NAV2: variants seen among roughly 807,000 people sequenced by gnomAD.
NAV2 encodes neuron navigator 2.
A neutral mutation model predicts 223.2 loss-of-function variants in NAV2; 54 were observed. The observed-to-expected ratio is 0.24, with a 90% CI of 0.19 to 0.30. The LOEUF (loss-of-function observed/expected upper bound fraction) is 0.30, where lower values mean the gene tolerates loss of function less well. Among genes scored for constraint, NAV2 ranks in the 10% least tolerant of loss-of-function variants. The pLI is 1.00. For synonymous variants in NAV2, 1,279 were observed against 1,239.3 expected (o/e 1.03, Z -0.67); for missense variants, 2,806 against 3,147.5 (o/e 0.89, Z 2.60).
At chr11:19,506,825 C>T (rs1044134282) in intron 1 of NAV2, 12 of 152,120 alleles carry the variant, frequency 7.9e-5, no homozygotes, top group African/African-American at 2.9e-4. Flanking sequence ...ACAAAACTGG[C>T]TATATAATTT....
chr11:20,037,809 C>T (rs2056534075), intron 12 of NAV2, among the ~76,000 whole-genome samples: 1 of 152,198 alleles, frequency 6.6e-6, no homozygotes, highest in African/African-American at 2.4e-5. Context: ...AGGCTATGCT[C>T]CTGCCACCAA....
At chr11:19,828,437 C>A (rs758170084) in intron 1 of NAV2, among the ~76,000 whole-genome samples, 9 of 152,224 alleles carry the variant, frequency 5.9e-5, no homozygotes, top group Non-Finnish European at 1.2e-4. Flanking sequence ...TGGAAACATG[C>A]AATATTGTCC....
chr11:19,960,585 A>T lies in NAV2; in HGVS notation c.2645+11505A>T, dbSNP rs574837660. Among the ~76,000 whole-genome samples, 33 of 128,934 alleles carry T rather than the reference A, an allele frequency of 2.6e-4. No homozygotes were observed. In the East Asian group the frequency reaches 7.1e-3, roughly 28 times the overall value. 84.6% of individuals were successfully genotyped at this position (128,934 alleles called of 152,430 possible). ...GCATCCTTTAGGGCCACCCTTTTTT[A>T]AAATTTTATTTATTTATTTATTTAT... On this transcript the variant is annotated intron_variant, in intron 10 of 37. Coordinates refer to ENST00000349880, the MANE Select transcript of NAV2 (RefSeq NM_145117.5).
intron 1 of NAV2, among the ~76,000 whole-genome samples, chr11:19,408,487 T>A (rs1849997725): frequency 6.6e-6 from 1 of 152,136 alleles, no homozygotes; most frequent in Non-Finnish European, 1.5e-5. Context: ...AAAATGAAAA[T>A]GTATCATTGT....
chr11:19,620,040 T>G (rs956254030), intron 1 of NAV2, among the ~76,000 whole-genome samples: 2 of 152,234 alleles, frequency 1.3e-5, no homozygotes, highest in South Asian at 4.1e-4. Flanking sequence ...TTCTTGTTTT[T>G]GTCAGGTTTG....
chr11:19,527,567 C>T (rs530128827), intron 1 of NAV2, among the ~76,000 whole-genome samples: 1 of 152,222 alleles, frequency 6.6e-6, no homozygotes, highest in Admixed American at 6.5e-5. Context: ...TCAGGCTCTC[C>T]AGCCCATTGA....
intron 11 of NAV2, among the ~76,000 whole-genome samples, chr11:20,008,105 G>A (rs1452132187): frequency 6.6e-6 from 1 of 152,184 alleles, no homozygotes; most frequent in African/African-American, 2.4e-5. Flanking sequence ...GGTGGCTTAT[G>A]CCTGTAATCC....
chr11:20,074,134 C>T (rs1330855832), intron 22 of NAV2, among the ~76,000 whole-genome samples: 1 of 152,162 alleles, frequency 6.6e-6, no homozygotes, highest in East Asian at 1.9e-4. Flanking sequence ...TATGTTGTAT[C>T]TTTGTTCTCA....
At chr11:19,387,281 A>G (rs1203856298) in intron 1 of NAV2, among the ~76,000 whole-genome samples, 5 of 152,128 alleles carry the variant, frequency 3.3e-5, no homozygotes, top group African/African-American at 1.2e-4. Context: ...GTAGCAGTGG[A>G]AGGACATCCC....
intron 1 of NAV2, among the ~76,000 whole-genome samples, chr11:19,603,825 T>C (rs2046411249): frequency 6.6e-6 from 1 of 151,792 alleles, no homozygotes; most frequent in Non-Finnish European, 1.5e-5. Flanking sequence ...TAGTGAGTGA[T>C]GGAAGGTTTT....
intron 1 of NAV2, among the ~76,000 whole-genome samples, chr11:19,644,431 A>G (rs1447462594): frequency 6.6e-6 from 1 of 152,168 alleles, no homozygotes; most frequent in Admixed American, 6.5e-5. Flanking sequence ...AGGCCGGTGG[A>G]TATGAATTAA....
chr11:20,065,950 G>A (rs1265954536), intron 20 of NAV2, among the ~76,000 whole-genome samples: 1 of 152,218 alleles, frequency 6.6e-6, no homozygotes, highest in South Asian at 2.1e-4. Flanking sequence ...AGGCTCTGGA[G>A]CCAGACTACT....
At chr11:19,586,838 A>G (rs1399456683) in intron 1 of NAV2, among the ~76,000 whole-genome samples, 1 of 152,172 alleles carries the variant, frequency 6.6e-6, no homozygotes, top group Non-Finnish European at 1.5e-5. Flanking sequence ...GACCCACTTG[A>G]GGAGGCAGTC....
rs569554953 is a variant in NAV2 at position 20,095,532 on chromosome 11, A to G, written c.5917-140A>G. ...TAAGACTATTACTTCCACCTAAGTT[A>G]TACCTGGTTTTAATACAAATAGGAC... On this transcript the variant is annotated intron_variant, in intron 29 of 37. Transcript: ENST00000349880. 1.2e-5 allele frequency: 8 copies of G among 654,558 alleles called. No homozygotes were observed. In the East Asian group the frequency reaches 2.1e-4, roughly 17 times the overall value. The allele number at this position is 654,558 out of a possible 1,614,324, so 40.5% of individuals were successfully genotyped here. A position where few individuals can be genotyped will look rare whatever the true frequency, so the allele number is the denominator to read the frequency against.
chr11:20,022,179 TATAAC>T (rs1254790290), intron 11 of NAV2, among the ~76,000 whole-genome samples: 3 of 152,250 alleles, frequency 2.0e-5, no homozygotes, highest in Non-Finnish European at 4.4e-5. Context: ...AGCTTGTGGC[TATAAC>T]ATAAGTTTGC....
At chr11:19,646,551 A>G (rs536684738) in intron 1 of NAV2, among the ~76,000 whole-genome samples, 7 of 152,274 alleles carry the variant, frequency 4.6e-5, no homozygotes, top group South Asian at 2.1e-4. Flanking sequence ...AACTACTGGA[A>G]GTCAGAGGGC....
At chr11:19,437,364 C>T (rs1851250739) in intron 1 of NAV2, among the ~76,000 whole-genome samples, 2 of 152,104 alleles carry the variant, frequency 1.3e-5, no homozygotes, top group African/African-American at 4.8e-5. Context: ...TTGGTGTCAT[C>T]CTTTAAATAT....
rs2056444304 is a variant in NAV2, at chr11:19,778,239, C to T, written c.268-54245C>T. ...TTGCTTTTGTGAATTGTTTTTTTAT[C>T]GGATAGTTTCAACTGGCGGGGACCA... On this transcript the variant is annotated intron_variant, in intron 1 of 37. Coordinates refer to ENST00000349880, the MANE Select transcript of NAV2 (RefSeq NM_145117.5). 20 of 414,056 alleles carry T rather than the reference C, an allele frequency of 4.8e-5. 1 individual carries two copies. Among genetic ancestry groups the T allele is most frequent in the South Asian group, 3.2e-4 (19 of 58,734 alleles). The allele number at this position is 414,056 out of a possible 1,614,324, so 25.6% of individuals were successfully genotyped here.
intron 1 of NAV2, among the ~76,000 whole-genome samples, chr11:19,463,489 G>T (rs1419168893): frequency 2.0e-5 from 3 of 152,222 alleles, no homozygotes; most frequent in Admixed American, 6.5e-5. Flanking sequence ...GCACTGCCAG[G>T]CAGATGGAGT....
Sources: allele counts gnomAD v4.1 joint callset (sites outside exome capture counted in the v4.1 genomes callset), GRCh38; gene constraint gnomAD v4.1.1; transcripts MANE v1.5; gene names NCBI Gene and HGNC (gene_info 2026-07-23, HGNC 2026-07-21).